The following TRAPPC10 variants were observed in gnomAD, a reference collection of about 807,000 sequenced individuals.
TRAPPC10 encodes the protein TRAPP 130 kDa subunit.
In TRAPPC10, 23 loss-of-function variants were observed where a neutral mutation model predicts 125.5. The ratio of observed to expected loss-of-function variants is 0.18; its 90% CI spans 0.13 to 0.26. The LOEUF (loss-of-function observed/expected upper bound fraction) is 0.26, where lower values mean the gene tolerates loss of function less well. TRAPPC10 is among the 10% of genes least tolerant of loss of function. The pLI, the probability that TRAPPC10 is intolerant of heterozygous loss-of-function variation, is 1.00. For synonymous variants in TRAPPC10, 509 were observed against 518.0 expected, an observed-to-expected ratio of 0.98 and a Z score of 0.24; for missense variants, 1,123 against 1,308.4, an observed-to-expected ratio of 0.86 and a Z score of 2.19.
chr21:44,020,875 A>G (rs781666841), intron 1 of TRAPPC10, among the ~76,000 whole-genome samples: 2 of 152,182 alleles, frequency 1.3e-5, no homozygotes, highest in Admixed American at 6.5e-5. Flanking sequence ...GGCCATGATC[A>G]GTGTAACTGT....
At chr21:44,012,886 C>T (rs1322423013) in intron 1 of TRAPPC10, among the ~76,000 whole-genome samples, 5 of 151,970 alleles carry the variant, frequency 3.3e-5, no homozygotes, top group Admixed American at 3.3e-4. Context: ...CGCCCCGTCC[C>T]GCCCCCGTTG....
chr21:44,025,350 G>A (rs1030171418), intron 1 of TRAPPC10, among the ~76,000 whole-genome samples: 29 of 152,214 alleles, frequency 1.9e-4, no homozygotes, highest in African/African-American at 7.0e-4. Flanking sequence ...AAGCCTTAAG[G>A]CATTGGGGTG....
intron 5 of TRAPPC10, among the ~76,000 whole-genome samples, chr21:44,057,099 G>C (rs905809624): frequency 6.6e-6 from 1 of 152,146 alleles, no homozygotes. Context: ...TGCTGTGTCT[G>C]CTTATGTGAG....
chr21:44,032,538 G>A (rs1268401222), intron 2 of TRAPPC10, among the ~76,000 whole-genome samples: 2 of 151,924 alleles, frequency 1.3e-5, no homozygotes, highest in African/African-American at 2.4e-5. Context: ...GTGCGCTACC[G>A]CACCCGGCTA....
chr21:44,087,770 C>T lies in TRAPPC10; in HGVS notation c.2611C>T (p.Pro871Ser). 1 of 1,614,202 alleles carries T rather than the reference C, an allele frequency of 6.2e-7. No homozygotes were observed. Reference sequence around the variant, plus strand: ...CACGAGCATCAGTCTGCCTGTTGCGCCTGCGTACCACGTGATCGAATTTGA... The same window carrying T: ...CACGAGCATCAGTCTGCCTGTTGCGTCTGCGTACCACGTGATCGAATTTGA... ...KVTSISLPVA[P>S]AYHVIEFELE... The change falls in exon 17 of 23, where the codon CCT becomes TCT. Residue 871 changes from proline to serine, a missense_variant. This residue lies in a region of TRAPPC10 where 840 missense variants were observed against 902.0 expected (regional missense o/e 0.93). Coordinates refer to ENST00000291574, the MANE Select transcript of TRAPPC10 (RefSeq NM_003274.5). The surrounding 1 kb of genome is among the most constrained non-coding windows in gnomAD (Gnocchi z 4.6).
chr21:44,025,965 AG>A (rs2033026478), intron 1 of TRAPPC10, among the ~76,000 whole-genome samples: 1 of 151,810 alleles, frequency 6.6e-6, no homozygotes, highest in African/African-American at 2.4e-5. Flanking sequence ...ATGACATGGC[AG>A]GGGGTGTACT....
At chr21:44,057,780 A>G (rs565607715) in intron 5 of TRAPPC10, among the ~76,000 whole-genome samples, 2 of 152,200 alleles carry the variant, frequency 1.3e-5, no homozygotes, top group Non-Finnish European at 2.9e-5. Context: ...GAAACAGGAT[A>G]CAAAGGAGAG....
chr21:44,073,500 C>T (rs117117857), intron 7 of TRAPPC10, among the ~76,000 whole-genome samples: 34 of 152,180 alleles, frequency 2.2e-4, no homozygotes, highest in Admixed American at 5.2e-4. Flanking sequence ...ATACAGCAGG[C>T]GATTTTGCTT....
rs755455299 is a variant in TRAPPC10 at position 44,080,141 on chromosome 21, T to A, written c.1723+14T>A. 1 of 1,599,514 alleles carries A rather than the reference T, an allele frequency of 6.3e-7. No individual in the cohort carries two copies. The highest frequency in any genetic ancestry group is 1.7e-5 in the Admixed American group (1 of 59,950). On this transcript the variant is annotated intron_variant, in intron 13 of 22. Transcript: ENST00000291574. ...CAGACAGCCCAGGTAAGACCAGTTC[T>A]TACAACTTGACTAGGAATATTTTCA...
chr21:44,063,861 C>A lies in TRAPPC10; in HGVS notation c.1038+76C>A. 6.5e-7 allele frequency: 1 copy of A among 1,535,812 alleles called. No individual in the cohort carries two copies. The highest frequency in any genetic ancestry group is 8.7e-7 in the Non-Finnish European group (1 of 1,144,184). ...AATCTCTGAACCTTGAGATCCCAGG[C>A]ATTGAACTGTTTGTGCTTAAGAAAG... On this transcript the variant is annotated intron_variant, in intron 7 of 22. Transcript: ENST00000291574. This position sits in a 1 kb window ranked among gnomAD's most constrained non-coding sequence, Gnocchi z 4.4.
At chr21:44,053,105 A>T (rs2145841996) in intron 4 of TRAPPC10, among the ~76,000 whole-genome samples, 1 of 152,144 alleles carries the variant, frequency 6.6e-6, no homozygotes, top group South Asian at 2.1e-4. Context: ...AGGCCTGGGG[A>T]TTCAGGGGCG....
At chr21:44,037,991 G>T in intron 3 of TRAPPC10, 64 bp downstream of exon 3, 1 of 1,577,210 alleles carries the variant, frequency 6.3e-7, no homozygotes, top group Non-Finnish European at 8.6e-7. Context: ...GGAGAGTGCT[G>T]TGTGAGTACC....
At position 44,087,667 on chromosome 21, in the gene TRAPPC10, A is replaced by G. The variant is rs1328894747; in HGVS notation, c.2540-32A>G. On this transcript the variant is annotated intron_variant, in intron 16 of 22. Transcript: ENST00000291574. The surrounding 1 kb of genome is among the most constrained non-coding windows in gnomAD (Gnocchi z 4.6). ...AAAGGACAAGTGAAACCGAGGGAAC[A>G]GCTTTGAAGTGACTTTTTCTGTCCT... The G allele has an allele frequency of 3.1e-6, 5 of 1,590,778 alleles. No individual in the cohort carries two copies. The South Asian group carries it at 4.4e-5, about 14-fold the overall frequency.
chr21:44,096,154 C>T (rs954818882), intron 20 of TRAPPC10, among the ~76,000 whole-genome samples: 2 of 23,024 alleles, frequency 8.7e-5, no homozygotes, highest in Admixed American at 8.9e-4. Flanking sequence ...GGCTCGTGGG[C>T]GTGTGGCCCA....
chr21:44,060,915 TACACAC>T (rs34848979), intron 6 of TRAPPC10, among the ~76,000 whole-genome samples: 16 of 132,190 alleles, frequency 1.2e-4, no homozygotes, highest in East Asian at 4.6e-4. Flanking sequence ...CATACATACA[TACACAC>T]ACACACACAC....
chr21:44,012,519 C>T lies in TRAPPC10; in HGVS notation c.26C>T (p.Pro9Leu), dbSNP rs762821775. Residue 9 changes from proline to leucine, a missense_variant, in exon 1 of 23, where the codon CCG becomes CTG. By Grantham distance (98) the Pro-to-Leu change is moderately conservative. Coordinates refer to ENST00000291574, the MANE Select transcript of TRAPPC10 (RefSeq NM_003274.5). ...ATGGACGCCTCTGAGGAGCCGCTGC[C>T]GCCGGTGATCTACACCATGGAGAAC... MDASEEPL[P>L]PVIYTMENKP... 4 of 1,532,584 alleles carry T rather than the reference C, an allele frequency of 2.6e-6. No individual in the cohort carries two copies. Among genetic ancestry groups the T allele is most frequent in the South Asian group, 1.2e-5 (1 of 82,956 alleles). 94.9% of individuals were successfully genotyped at this position (1,532,584 alleles called of 1,614,324 possible).
At chr21:44,080,436 T>C (rs921293813) in intron 13 of TRAPPC10, among the ~76,000 whole-genome samples, 1 of 152,230 alleles carries the variant, frequency 6.6e-6, no homozygotes, top group African/African-American at 2.4e-5. Context: ...ATTTTATAAA[T>C]CATTTTTAAT....
intron 1 of TRAPPC10, among the ~76,000 whole-genome samples, chr21:44,026,019 A>G (rs997471551): frequency 2.0e-5 from 3 of 152,080 alleles, no homozygotes; most frequent in African/African-American, 7.2e-5. Context: ...GTGGTGCAGA[A>G]CTGTGGGAGG....
chr21:44,066,482 G>C (rs372412030), intron 7 of TRAPPC10, among the ~76,000 whole-genome samples: 1 of 152,198 alleles, frequency 6.6e-6, no homozygotes, highest in African/African-American at 2.4e-5. Context: ...CCAGTTCTGC[G>C]TGAGTTCAGG....
Sources: allele counts gnomAD v4.1 joint callset (sites outside exome capture counted in the v4.1 genomes callset), GRCh38; gene constraint gnomAD v4.1.1; regional missense constraint gnomAD v4.1.1; non-coding constraint Gnocchi (gnomAD v3.1); transcripts MANE v1.5; gene names NCBI Gene and HGNC (gene_info 2026-07-23, HGNC 2026-07-21).